STARD13: variants seen among roughly 807,000 people sequenced by gnomAD.
STARD13 encodes the protein stAR-related lipid transfer protein 13.
Under a neutral mutation model 106.4 loss-of-function variants are expected in STARD13, and 62 were observed. The ratio of observed to expected loss-of-function variants is 0.58; its 90% CI spans 0.48 to 0.72. The LOEUF is 0.72. STARD13 is among the 30% of genes least tolerant of loss of function. The probability of loss-of-function intolerance (pLI) is 0.00; values close to 1 mark genes in which losing one functional copy is unlikely to be tolerated. For missense variants in STARD13, 1,387 were observed against 1,424.0 expected, an observed-to-expected ratio of 0.97 and a Z score of 0.42; for synonymous variants, 565 against 553.0, an observed-to-expected ratio of 1.02 and a Z score of -0.31.
At chr13:33,153,138 A>G (rs1176341513) in intron 3 of STARD13, among the ~76,000 whole-genome samples, 1 of 152,204 alleles carries the variant, frequency 6.6e-6, no homozygotes, top group Non-Finnish European at 1.5e-5. Context: ...TTGAGAACTG[A>G]CAGGCTGTTT....
the STARD13 span, among the ~76,000 whole-genome samples, chr13:33,476,714 A>C: frequency 7.9e-3 from 1,198 of 152,350 alleles, 16 homozygotes; most frequent in African/African-American, 0.027. Flanking sequence ...TGCAGGCAAT[A>C]ACCAGTAGAC....
chr13:33,128,647 C>A (rs1006548765), intron 5 of STARD13, among the ~76,000 whole-genome samples: 1 of 152,036 alleles, frequency 6.6e-6, no homozygotes, highest in South Asian at 2.1e-4. Context: ...GCCTATGGTG[C>A]CCAGTATAAC....
intron 1 of STARD13, among the ~76,000 whole-genome samples, chr13:33,281,803 T>A (rs764832879): frequency 1.3e-5 from 2 of 152,078 alleles, no homozygotes; most frequent in Non-Finnish European, 2.9e-5. Context: ...AGTTGAATGG[T>A]GGTTGCCAAA....
intron 7 of STARD13, among the ~76,000 whole-genome samples, chr13:33,120,384 T>C (rs1003579259): frequency 3.9e-5 from 6 of 152,184 alleles, no homozygotes; most frequent in African/African-American, 1.4e-4. Flanking sequence ...TTTCAGCAAA[T>C]ATTGTTATTT....
chr13:33,619,876 G>C, the STARD13 span, among the ~76,000 whole-genome samples: 1 of 152,014 alleles, frequency 6.6e-6, no homozygotes, highest in African/African-American at 2.4e-5. Context: ...AAGCCTGGCC[G>C]ACATGGTGAA....
chr13:33,132,705 GA>G (rs2138186610), intron 4 of STARD13, among the ~76,000 whole-genome samples: 1 of 152,082 alleles, frequency 6.6e-6, no homozygotes, highest in East Asian at 1.9e-4. Context: ...GAAACAAAAA[GA>G]AACAAAAAAG....
intron 1 of STARD13, among the ~76,000 whole-genome samples, chr13:33,312,863 TTCCA>T (rs1893194146): frequency 1.3e-5 from 2 of 152,192 alleles, no homozygotes; most frequent in African/African-American, 4.8e-5. Context: ...ACAACAAAAA[TTCCA>T]TAAAGCACGG....
intron 1 of STARD13, among the ~76,000 whole-genome samples, chr13:33,189,471 C>T (rs1489816839): frequency 6.9e-6 from 1 of 144,928 alleles, no homozygotes; most frequent in Non-Finnish European, 1.5e-5. Context: ...AGGGAAGGGA[C>T]TCTCTGGTTT....
intron 1 of STARD13, among the ~76,000 whole-genome samples, chr13:33,184,168 A>G (rs1885528099): frequency 6.6e-6 from 1 of 151,780 alleles, no homozygotes; most frequent in African/African-American, 2.4e-5. Context: ...AATTATAGCC[A>G]CCTCCACTCT....
At chr13:33,560,000 G>A in the STARD13 span, among the ~76,000 whole-genome samples, 1 of 151,568 alleles carries the variant, frequency 6.6e-6, no homozygotes, top group Non-Finnish European at 1.5e-5. Context: ...CTGGAACTAT[G>A]AAATATATGC....
chr13:33,209,369 AC>A (rs1348980137), intron 1 of STARD13, among the ~76,000 whole-genome samples: 4 of 152,036 alleles, frequency 2.6e-5, no homozygotes, highest in Non-Finnish European at 5.9e-5. Context: ...CAGCAACACT[AC>A]CCATATTGGG....
At chr13:33,216,659 A>G (rs1888061166) in intron 1 of STARD13, among the ~76,000 whole-genome samples, 1 of 152,180 alleles carries the variant, frequency 6.6e-6, no homozygotes, top group Non-Finnish European at 1.5e-5. Context: ...ACAAATCACC[A>G]CTAAGGAACT....
chr13:33,648,783 C>CTTTTTTTTTTTTTTTTTTTTTTTT, the STARD13 span, among the ~76,000 whole-genome samples: 4 of 77,010 alleles, frequency 5.2e-5, no homozygotes, highest in African/African-American at 1.8e-4. Context: ...TTTTCTCTTT[C>CTTTTTTTTTTTTTTTTTTTTTTTT]TTTTTTTTTT....
intron 1 of STARD13, among the ~76,000 whole-genome samples, chr13:33,219,518 CAAAAAAAAA>C (rs55933962): frequency 8.2e-5 from 5 of 61,242 alleles, no homozygotes; most frequent in African/African-American, 2.6e-4. Flanking sequence ...GACTCCTTCT[CAAAAAAAAA>C]AAAAAAAAAA....
chr13:33,407,409 G>C, the STARD13 span, among the ~76,000 whole-genome samples: 1 of 152,182 alleles, frequency 6.6e-6, no homozygotes, highest in Non-Finnish European at 1.5e-5. Flanking sequence ...CACAAGGGTA[G>C]AATACCCACC....
chr13:33,129,179 C>T lies in STARD13; in HGVS notation c.1498G>A (p.Val500Ile), dbSNP rs1877745333. ...AAGACATCTTTGGACCAGTCATCGA[C>T]TACCTCTTGGAGCCCATTGACATGC... ...LQHVNGLQEV[V>I]DDWSKDVLPE... Residue 500 changes from valine (V) to isoleucine (I), a missense_variant, in exon 5 of 14, where the codon GTC becomes ATC. Physicochemically the swap from Val to Ile is conservative, Grantham distance 29. Coordinates refer to ENST00000336934, the MANE Select transcript of STARD13 (RefSeq NM_178006.4). 7 of 1,614,232 alleles carry T rather than the reference C, an allele frequency of 4.3e-6. No individual in the cohort carries two copies. Among genetic ancestry groups the T allele is most frequent in the Non-Finnish European group, 5.9e-6 (7 of 1,180,052 alleles).
intron 1 of STARD13, among the ~76,000 whole-genome samples, chr13:33,329,655 ATGTGTGTGTGTG>A (rs34427794): frequency 2.1e-5 from 3 of 144,252 alleles, no homozygotes; most frequent in Non-Finnish European, 3.0e-5. Flanking sequence ...GTGTGTGTGT[ATGTGTGTGTGTG>A]TGTGTGTGTG....
At chr13:33,415,998 C>G in the STARD13 span, among the ~76,000 whole-genome samples, 1 of 152,282 alleles carries the variant, frequency 6.6e-6, no homozygotes, top group Non-Finnish European at 1.5e-5. Context: ...AGAAAATGAT[C>G]ATGTTTTTGC....
At chr13:33,106,654 CAAAT>C in intron 13 of STARD13, 100 bp downstream of exon 13, 1 of 1,134,490 alleles carries the variant, frequency 8.8e-7, no homozygotes, top group Non-Finnish European at 1.2e-6. Context: ...AATGAGGAAA[CAAAT>C]ACAGTGAAAT....
Sources: gnomAD v4.1 joint callset for allele counts (sites outside exome capture counted in the v4.1 genomes callset) on GRCh38, gnomAD v4.1.1 for gene constraint, MANE v1.5 for transcripts, NCBI Gene and HGNC (gene_info 2026-07-23, HGNC 2026-07-21) for gene names.